The following SERPINE2 variants were observed in gnomAD, a reference collection of about 807,000 sequenced individuals.
SERPINE2 encodes the protein serpin family E member 2.
Under a neutral mutation model 36.3 loss-of-function variants are expected in SERPINE2, and 14 were observed. The ratio of observed to expected loss-of-function variants is 0.39; its 90% confidence interval spans 0.25 to 0.60. The LOEUF (loss-of-function observed/expected upper bound fraction) is 0.60, where lower values mean the gene tolerates loss of function less well. Among genes scored for constraint, SERPINE2 ranks in the 20% least tolerant of loss-of-function variants. The pLI is 0.57. For synonymous variants in SERPINE2, 192 were observed against 191.8 expected, an observed-to-expected ratio of 1.00 and a Z score of -0.01; for missense variants, 418 against 499.6, an observed-to-expected ratio of 0.84 and a Z score of 1.56.
chr2:223,994,201 C>T (rs1447474247), intron 3 of SERPINE2, among the ~76,000 whole-genome samples: 1 of 152,120 alleles, frequency 6.6e-6, no homozygotes, highest in Non-Finnish European at 1.5e-5. Context: ...TGTCTGTCTC[C>T]CTCAGCTACA....
chr2:224,005,064 AT>A (rs1227787139), intron 1 of SERPINE2, among the ~76,000 whole-genome samples: 967 of 88,998 alleles, frequency 0.011, 20 homozygotes, highest in African/African-American at 0.02. Flanking sequence ...TTTTATATAT[AT>A]TATATATATA....
intron 1 of SERPINE2, among the ~76,000 whole-genome samples, chr2:224,007,219 C>T (rs745912182): frequency 6.6e-6 from 1 of 152,212 alleles, no homozygotes; most frequent in Non-Finnish European, 1.5e-5. Context: ...ACTGGAAAGA[C>T]TCTTCTGGGT....
At chr2:224,038,640 CAAGT>C (rs1692608047) in intron 1 of SERPINE2, 3 of 799,210 alleles carry the variant, frequency 3.8e-6, no homozygotes, top group Non-Finnish European at 6.4e-6. Context: ...GCAGAGGTAA[CAAGT>C]AAGAGTGCGC....
At chr2:224,024,602 A>G (rs1692122581) in intron 1 of SERPINE2, among the ~76,000 whole-genome samples, 2 of 152,322 alleles carry the variant, frequency 1.3e-5, no homozygotes, top group Admixed American at 1.3e-4. Flanking sequence ...CCTGATCTGC[A>G]ACTCAGTTTC....
chr2:223,999,367 G>C (rs940102697), intron 2 of SERPINE2, among the ~76,000 whole-genome samples: 6 of 152,072 alleles, frequency 3.9e-5, no homozygotes, highest in Non-Finnish European at 8.8e-5. Context: ...TCATCGCTTG[G>C]GGTCTCTTCA....
chr2:224,031,383 A>T, intron 1 of SERPINE2: 2 of 985,594 alleles, frequency 2.0e-6, no homozygotes, highest in Non-Finnish European at 2.4e-6. Context: ...AGGAGACCAC[A>T]TAGAGATTCC....
intron 1 of SERPINE2, among the ~76,000 whole-genome samples, chr2:224,029,360 G>A (rs1322035513): frequency 7.3e-6 from 1 of 136,882 alleles, no homozygotes; most frequent in Non-Finnish European, 1.6e-5. Flanking sequence ...GTCCAAAGTG[G>A]ATAACTGCCA....
intron 1 of SERPINE2, among the ~76,000 whole-genome samples, chr2:224,037,678 C>T (rs952626020): frequency 6.6e-6 from 1 of 152,190 alleles, no homozygotes; most frequent in African/African-American, 2.4e-5. Flanking sequence ...ACTCTACCAC[C>T]TCAAACAATC....
intron 1 of SERPINE2, among the ~76,000 whole-genome samples, chr2:224,038,141 A>G (rs76371677): frequency 0.018 from 2,719 of 152,324 alleles, 60 homozygotes; most frequent in African/African-American, 0.056. Context: ...TTCAAAGTAC[A>G]CAATTATCAC....
At chr2:224,020,394 C>G (rs1397521060) in intron 1 of SERPINE2, among the ~76,000 whole-genome samples, 1 of 152,154 alleles carries the variant, frequency 6.6e-6, no homozygotes, top group Non-Finnish European at 1.5e-5. Flanking sequence ...AGAATAGAAA[C>G]AAGATAACAC....
intron 1 of SERPINE2, among the ~76,000 whole-genome samples, chr2:224,020,443 A>G (rs967333271): frequency 6.6e-6 from 1 of 152,212 alleles, no homozygotes; most frequent in South Asian, 2.1e-4. Flanking sequence ...ACCATCCCAT[A>G]TATTTCCATG....
At chr2:223,990,818 A>G (rs1245249589) in intron 4 of SERPINE2, among the ~76,000 whole-genome samples, 2 of 152,128 alleles carry the variant, frequency 1.3e-5, no homozygotes, top group Non-Finnish European at 2.9e-5. Flanking sequence ...TTTGTACAAA[A>G]AGTAAAAAAA....
intron 1 of SERPINE2, among the ~76,000 whole-genome samples, chr2:224,017,988 C>G (rs143244759): frequency 6.6e-6 from 1 of 152,114 alleles, no homozygotes; most frequent in Non-Finnish European, 1.5e-5. Context: ...TTTTCAATTT[C>G]CTTTATTTCT....
chr2:224,003,175 G>A (rs191207196), intron 1 of SERPINE2, among the ~76,000 whole-genome samples: 1 of 152,100 alleles, frequency 6.6e-6, no homozygotes, highest in African/African-American at 2.4e-5. Context: ...GGCAGAGGGA[G>A]AGCAGGGCCG....
chr2:223,997,282 G>A (rs1020851359), intron 3 of SERPINE2, among the ~76,000 whole-genome samples: 3 of 152,146 alleles, frequency 2.0e-5, no homozygotes, highest in Non-Finnish European at 2.9e-5. Flanking sequence ...GTGCAGGGTT[G>A]CAATCTCGGC....
chr2:223,975,899 C>T lies in SERPINE2; in HGVS notation c.1162G>A (p.Val388Met), dbSNP rs1174858925. The stretch of plus-strand genomic sequence containing the variant: ...TTGTTTATCTGCCCCATGAATAACA[C>T]AGCACCTACAGAATTAAAAGAAAAC... ...FFIRHNPTGAVLFMGQINKP is the reference protein window; with the variant it reads ...FFIRHNPTGAMLFMGQINKP The change falls in exon 9 of 9, where the codon GTG becomes ATG. Residue 388 changes from valine (V) to methionine (M), a missense_variant. Transcript: ENST00000409304. 3 of 1,596,692 alleles carry T rather than the reference C, an allele frequency of 1.9e-6. No individual in the cohort carries two copies. The highest frequency in any genetic ancestry group is 2.3e-5 in the South Asian group (2 of 87,936).
At chr2:223,988,486 T>C (rs1012442277) in intron 4 of SERPINE2, among the ~76,000 whole-genome samples, 3 of 152,140 alleles carry the variant, frequency 2.0e-5, no homozygotes, top group Non-Finnish European at 4.4e-5. Flanking sequence ...ATGAGTTTCA[T>C]CTATGCAACT....
At position 224,019,891 on chromosome 2, in the gene SERPINE2, T is replaced by C. The variant is rs150134392; in HGVS notation, c.-22-17969A>G. ...CTGTGTATTGCAGAATGTTTAGCAG[T>C]ATTCCTGGCCTTTACTCAAGAGATG... On this transcript the variant is annotated intron_variant, in intron 1 of 8. Transcript: ENST00000409304. Among the ~76,000 whole-genome samples, 1,105 of 152,130 alleles carry C rather than the reference T, an allele frequency of 7.3e-3. 12 individuals are homozygous for C. The highest frequency in any genetic ancestry group is 0.025 in the African/African-American group (1,034 of 41,492).
rs549769154 is a variant in SERPINE2 at position 224,004,427 on chromosome 2, C to T, written c.-22-2505G>A. On this transcript the variant is annotated intron_variant, in intron 1 of 8. Transcript: ENST00000409304. ...GTAAAACAATTGTATCAACTCAGCCCGTCTAAATTCAAAACATGTAAGTGA... is the reference window on the plus strand; with the variant it reads ...GTAAAACAATTGTATCAACTCAGCCTGTCTAAATTCAAAACATGTAAGTGA... Among the ~76,000 whole-genome samples the T allele has an allele frequency of 6.6e-5, 10 of 152,306 alleles. No homozygotes were observed. The East Asian group carries it at 1.9e-3, about 29-fold the overall frequency.
Sources: allele counts gnomAD v4.1 joint callset (sites outside exome capture counted in the v4.1 genomes callset), GRCh38; gene constraint gnomAD v4.1.1; transcripts MANE v1.5; gene names NCBI Gene and HGNC (gene_info 2026-07-23, HGNC 2026-07-21).